The following RNGTT variants were observed in gnomAD, a reference collection of about 807,000 sequenced individuals.
RNGTT encodes the protein mRNA-capping enzyme.
Under a neutral mutation model 79.3 loss-of-function variants are expected in RNGTT, and 33 were observed. That is an observed-to-expected ratio of 0.42 (90% CI 0.32 to 0.56). The LOEUF (loss-of-function observed/expected upper bound fraction) is 0.56, where lower values mean the gene tolerates loss of function less well. RNGTT is among the 20% of genes least tolerant of loss of function. The probability of loss-of-function intolerance (pLI) is 0.17; values close to 1 mark genes in which losing one functional copy is unlikely to be tolerated. For missense variants in RNGTT, 497 were observed against 739.1 expected (o/e 0.67, Z 3.80); for synonymous variants, 222 against 235.9 (o/e 0.94, Z 0.54).
intron 8 of RNGTT, among the ~76,000 whole-genome samples, chr6:88,881,110 G>A (rs1286585772): frequency 6.6e-6 from 1 of 152,080 alleles, no homozygotes; most frequent in African/African-American, 2.4e-5. Flanking sequence ...GAAATATTAA[G>A]AAAAAAGTTA....
intron 14 of RNGTT, among the ~76,000 whole-genome samples, chr6:88,628,095 C>T (rs1261907784): frequency 2.6e-5 from 4 of 152,090 alleles, no homozygotes; most frequent in African/African-American, 9.7e-5. Flanking sequence ...AATCACATTG[C>T]TCAGAGCCCT....
chr6:88,843,056 G>C (rs1457455300), intron 11 of RNGTT, among the ~76,000 whole-genome samples: 1 of 151,348 alleles, frequency 6.6e-6, no homozygotes, highest in Non-Finnish European at 1.5e-5. Context: ...GGCTGAGCAA[G>C]AGTGAGACCC....
At chr6:88,839,258 A>G (rs1781183457) in intron 11 of RNGTT, among the ~76,000 whole-genome samples, 1 of 152,116 alleles carries the variant, frequency 6.6e-6, no homozygotes, top group Non-Finnish European at 1.5e-5. Flanking sequence ...AAAAAAAGAA[A>G]ACGACAGAAC....
chr6:88,843,251 C>A (rs1420158069), intron 11 of RNGTT, among the ~76,000 whole-genome samples: 1 of 151,568 alleles, frequency 6.6e-6, no homozygotes, highest in Admixed American at 6.6e-5. Context: ...TAGTTACTAA[C>A]ATTACTCATA....
intron 13 of RNGTT, among the ~76,000 whole-genome samples, chr6:88,747,403 G>A (rs1777696141): frequency 1.3e-5 from 2 of 152,042 alleles, no homozygotes; most frequent in Non-Finnish European, 2.9e-5. Flanking sequence ...TACCACTTAC[G>A]CTTTAATCTA....
intron 11 of RNGTT, among the ~76,000 whole-genome samples, chr6:88,840,164 C>T (rs1258503657): frequency 2.0e-5 from 3 of 152,098 alleles, no homozygotes; most frequent in Non-Finnish European, 4.4e-5. Context: ...TTTACCATCC[C>T]ATTAGCAAAG....
chr6:88,914,961 G>A (rs530356090), intron 4 of RNGTT, among the ~76,000 whole-genome samples: 9 of 152,062 alleles, frequency 5.9e-5, no homozygotes, highest in Admixed American at 6.6e-5. Context: ...GTGGGAAAAG[G>A]ACATGAACAG....
chr6:88,702,399 A>G (rs1193774433), intron 13 of RNGTT, among the ~76,000 whole-genome samples: 2 of 152,184 alleles, frequency 1.3e-5, no homozygotes, highest in Non-Finnish European at 2.9e-5. Context: ...AAACTCAAAT[A>G]AAGCTGCACA....
At chr6:88,786,852 G>A (rs1779244547) in intron 12 of RNGTT, among the ~76,000 whole-genome samples, 1 of 152,088 alleles carries the variant, frequency 6.6e-6, no homozygotes, top group South Asian at 2.1e-4. Flanking sequence ...GTATTAGGAG[G>A]TGGGACCTTT....
chr6:88,872,508 T>G (rs1032287402), intron 8 of RNGTT, among the ~76,000 whole-genome samples: 2 of 152,182 alleles, frequency 1.3e-5, no homozygotes, highest in Non-Finnish European at 2.9e-5. Context: ...TAACTGTACT[T>G]TCCAAAATAA....
rs972843578 is a variant in RNGTT at position 88,934,281 on chromosome 6, C to A, written c.175-5014G>T. Among the ~76,000 whole-genome samples, 4 of 152,290 alleles carry A rather than the reference C, an allele frequency of 2.6e-5. No individual in the cohort carries two copies. The South Asian group carries it at 8.3e-4, about 32-fold the overall frequency. The stretch of plus-strand genomic sequence containing the variant: ...TCCTGGCCTCAAGTAATCCTCCCAT[C>A]CATCTCAGCTTCCCAAAGTGCTAGG... On this transcript the variant is annotated intron_variant, in intron 2 of 15. Transcript: ENST00000369485.
In RNGTT at chr6:88,698,247, A is replaced by G. The variant is rs1482513558; in HGVS notation, c.1440-19828T>C. ...CATATATATATGAAATATATATATGAAATATATATATAAATATATATGATA... is the reference window on the plus strand; with the variant it reads ...CATATATATATGAAATATATATATGGAATATATATATAAATATATATGATA... On this transcript the variant is annotated intron_variant, in intron 13 of 15. Transcript: ENST00000369485. Among the ~76,000 whole-genome samples the G allele has an allele frequency of 3.9e-3, 380 of 97,744 alleles. 22 individuals are homozygous for G. The African/African-American group carries it at 0.043, about 11-fold the overall frequency. 64.1% of individuals were successfully genotyped at this position (97,744 alleles called of 152,430 possible). A position where few individuals can be genotyped will look rare whatever the true frequency, so the allele number is the denominator to read the frequency against.
chr6:88,672,208 T>G (rs1218034267), intron 14 of RNGTT, among the ~76,000 whole-genome samples: 1 of 136,470 alleles, frequency 7.3e-6, no homozygotes, highest in Non-Finnish European at 1.7e-5. Context: ...TATACATATA[T>G]ATATATATAT....
At chr6:88,874,478 A>G (rs1241571476) in intron 8 of RNGTT, among the ~76,000 whole-genome samples, 12 of 152,174 alleles carry the variant, frequency 7.9e-5, no homozygotes, top group Non-Finnish European at 2.9e-5. Flanking sequence ...TCTTTTGTAT[A>G]AAGCATGCAT....
rs893492392 is a variant in RNGTT at position 88,963,604 on chromosome 6, G to A, written c.-195C>T. Reference sequence around the variant, plus strand: ...TTCAGGATCAACTCCACAGCTCCAGGAGAACCCACAATGCACCGCAACTTC... The same window carrying A: ...TTCAGGATCAACTCCACAGCTCCAGAAGAACCCACAATGCACCGCAACTTC... On this transcript the variant is annotated 5_prime_UTR_variant, in exon 1 of 16. Coordinates refer to ENST00000369485, the MANE Select transcript of RNGTT (RefSeq NM_003800.5). 7.5e-5 allele frequency: 38 copies of A among 509,112 alleles called. 1 individual carries two copies. Among genetic ancestry groups the A allele is most frequent in the Admixed American group, 2.0e-4 (5 of 24,606 alleles). The allele number at this position is 509,112 out of a possible 1,614,324, so 31.5% of individuals were successfully genotyped here.
rs868506832 is a variant in RNGTT at position 88,814,239 on chromosome 6, T to C, written c.1270-12607A>G. ...CTAATAAATCATCCTTTATTACCTA[T>C]ATATATCTCCAGTGAAGACAACAGT... On this transcript the variant is annotated intron_variant, in intron 11 of 15. Transcript: ENST00000369485. Among the ~76,000 whole-genome samples the C allele has an allele frequency of 5.9e-5, 9 of 152,318 alleles. No individual in the cohort carries two copies. The Middle Eastern group carries it at 0.01, about 173-fold the overall frequency.
chr6:88,696,637 A>T (rs1775682830), intron 13 of RNGTT, among the ~76,000 whole-genome samples: 1 of 136,122 alleles, frequency 7.3e-6, no homozygotes, highest in African/African-American at 2.7e-5. Flanking sequence ...CACACACAAA[A>T]TGTGTAAAGT....
chr6:88,904,782 CCATCCT>C lies in RNGTT; in HGVS notation c.611_616del (p.Glu204_Asp205del), dbSNP rs1783595224. Reference sequence around the variant, plus strand: ...TGACCCGGGTTCTGATTCCTTCTTTCCATCCTCATCCTCATCTTCGTCTTCATCATC... The same window carrying C: ...TGACCCGGGTTCTGATTCCTTCTTTCCATCCTCATCTTCGTCTTCATCATC... On this transcript the variant is annotated inframe_deletion, in exon 6 of 16. Coordinates refer to ENST00000369485, the MANE Select transcript of RNGTT (RefSeq NM_003800.5). 2 of 1,613,976 alleles carry C rather than the reference CCATCCT, an allele frequency of 1.2e-6. No homozygotes were observed. The highest frequency in any genetic ancestry group is 2.7e-5 in the African/African-American group (2 of 74,904).
chr6:88,658,622 A>G (rs1363838608), intron 14 of RNGTT, among the ~76,000 whole-genome samples: 1 of 152,210 alleles, frequency 6.6e-6, no homozygotes, highest in Non-Finnish European at 1.5e-5. Context: ...TGTATCTGTG[A>G]AGGTGTTGCC....
Sources: gnomAD v4.1 joint callset for allele counts (sites outside exome capture counted in the v4.1 genomes callset) on GRCh38, gnomAD v4.1.1 for gene constraint, MANE v1.5 for transcripts, NCBI Gene and HGNC (gene_info 2026-07-23, HGNC 2026-07-21) for gene names.